SRGAP3: variants seen among roughly 807,000 people sequenced by gnomAD.
SRGAP3 encodes SLIT-ROBO Rho GTPase activating protein 3, also known as SLIT-ROBO Rho GTPase-activating protein 3.
SRGAP3 carries 39 observed loss-of-function variants against 121.1 expected under a neutral mutation model. The observed-to-expected ratio is 0.32, with a 90% CI of 0.25 to 0.42. The LOEUF (loss-of-function observed/expected upper bound fraction) is 0.42. SRGAP3 is among the 10% of genes least tolerant of loss of function. The pLI, the probability that SRGAP3 is intolerant of heterozygous loss-of-function variation, is 1.00. For missense variants in SRGAP3, 1,213 were observed against 1,470.6 expected, an observed-to-expected ratio of 0.82 and a Z score of 2.86; for synonymous variants, 601 against 570.0, an observed-to-expected ratio of 1.05 and a Z score of -0.77.
intron 1 of SRGAP3, among the ~76,000 whole-genome samples, chr3:9,160,098 G>A (rs1950557891): frequency 6.6e-6 from 1 of 152,214 alleles, no homozygotes; most frequent in Non-Finnish European, 1.5e-5. Flanking sequence ...GCTACCTGTG[G>A]CCTTGGGCAA....
At chr3:9,097,876 C>T (rs926414746) in intron 3 of SRGAP3, among the ~76,000 whole-genome samples, 27 of 152,156 alleles carry the variant, frequency 1.8e-4, no homozygotes, top group African/African-American at 5.8e-4. Context: ...TCCCAGCTCC[C>T]CAGCATCCTT....
intron 1 of SRGAP3, among the ~76,000 whole-genome samples, chr3:9,196,343 G>A (rs1467359286): frequency 2.6e-5 from 4 of 152,228 alleles, no homozygotes; most frequent in Non-Finnish European, 5.9e-5. Context: ...GGGCAGTATG[G>A]TGTGCTAGTT....
chr3:9,047,245 C>T, intron 10 of SRGAP3, 146 bp downstream of exon 10: 1 of 809,816 alleles, frequency 1.2e-6, no homozygotes, highest in South Asian at 1.5e-5. Flanking sequence ...GGTGATTTTC[C>T]CAGCCTGCCC....
At chr3:9,063,268 A>T (rs894048365) in intron 5 of SRGAP3, among the ~76,000 whole-genome samples, 6 of 151,156 alleles carry the variant, frequency 4.0e-5, no homozygotes, top group Admixed American at 2.0e-4. Context: ...GGCTGGGACT[A>T]CAGGCACATG....
At chr3:9,199,677 A>C (rs1952014938) in intron 1 of SRGAP3, among the ~76,000 whole-genome samples, 1 of 152,220 alleles carries the variant, frequency 6.6e-6, no homozygotes, top group Non-Finnish European at 1.5e-5. Flanking sequence ...AACTGCATTC[A>C]GTTTTTGGCT....
chr3:9,104,918 C>A, intron 2 of SRGAP3, 76 bp from the exon 3 acceptor site: 2 of 1,587,352 alleles, frequency 1.3e-6, no homozygotes, highest in Non-Finnish European at 1.7e-6. Context: ...TCACCCACTT[C>A]AGCTCTTTTA....
Position 9,109,850 on chromosome 3 carries a change from G to A in SRGAP3, c.261-5008C>T, listed in dbSNP as rs1948552818. Reference sequence around the variant, plus strand: ...AGAAATGTGATGAGCAAAGGCCCAGGGAGGAGCAGGAGAGGGAGGAGCAGG... The same window carrying A: ...AGAAATGTGATGAGCAAAGGCCCAGAGAGGAGCAGGAGAGGGAGGAGCAGG... On this transcript the variant is annotated intron_variant, in intron 2 of 21. Coordinates refer to ENST00000383836, the MANE Select transcript of SRGAP3 (RefSeq NM_014850.4). The surrounding 1 kb of genome is among the most constrained non-coding windows in gnomAD (Gnocchi z 4.4). 1.3e-5 allele frequency among the ~76,000 whole-genome samples: 2 copies of A among 152,230 alleles called. No homozygotes were observed. Among genetic ancestry groups the A allele is most frequent in the South Asian group, 4.1e-4 (2 of 4,824 alleles).
intron 3 of SRGAP3, among the ~76,000 whole-genome samples, chr3:9,310,699 G>C (rs1955226801): frequency 6.6e-6 from 1 of 152,186 alleles, no homozygotes; most frequent in South Asian, 2.1e-4. Flanking sequence ...GCTGACTGCT[G>C]AGAAGAAAGA....
intron 3 of SRGAP3, among the ~76,000 whole-genome samples, chr3:9,257,699 T>C (rs1040836056): frequency 2.8e-5 from 1 of 36,086 alleles, no homozygotes; most frequent in Non-Finnish European, 6.4e-5. Flanking sequence ...AAATAGCTCC[T>C]TTTTTTTTTT....
intron 1 of SRGAP3, among the ~76,000 whole-genome samples, chr3:9,331,465 C>A (rs760518209): frequency 6.6e-6 from 1 of 152,194 alleles, no homozygotes; most frequent in Non-Finnish European, 1.5e-5. Context: ...GCTGAGCTGG[C>A]TGGCTCAGAT....
Position 9,032,683 on chromosome 3 carries a change from T to C in SRGAP3, c.1506A>G (p.Lys502=), listed in dbSNP as rs1369481287. 6.2e-7 allele frequency: 1 copy of C among 1,612,688 alleles called. No individual in the cohort carries two copies. The highest frequency in any genetic ancestry group is 8.5e-7 in the Non-Finnish European group (1 of 1,179,592). ...RPRPLSVYSH[K]LFNGSMEAFI... ...ATGCTTCCATACTGCCGTTAAAGAGTTTATGGCTATACACTGAGAGAGGCC... is the reference window on the plus strand; with the variant it reads ...ATGCTTCCATACTGCCGTTAAAGAGCTTATGGCTATACACTGAGAGAGGCC... Residue 502 remains lysine (K), a synonymous_variant, in exon 12 of 22, where the codon AAA becomes AAG. Transcript: ENST00000383836.
intron 12 of SRGAP3, 86 bp downstream of exon 12, chr3:9,032,564 G>T: frequency 7.9e-7 from 1 of 1,260,276 alleles, no homozygotes. Context: ...CCAAGGACAG[G>T]GCTGTCTGCT....
intron 14 of SRGAP3, among the ~76,000 whole-genome samples, chr3:9,019,695 T>C (rs1419424082): frequency 7.2e-5 from 11 of 152,246 alleles, no homozygotes; most frequent in Admixed American, 7.2e-4. Flanking sequence ...AGCCCCAACA[T>C]GCTTCAGTAT....
intron 1 of SRGAP3, among the ~76,000 whole-genome samples, chr3:9,134,923 C>A (rs1949588613): frequency 6.6e-6 from 1 of 152,140 alleles, no homozygotes; most frequent in Non-Finnish European, 1.5e-5. Context: ...AGGTGGGCAA[C>A]CTGAGACTCA....
Position 9,050,195 on chromosome 3 carries a change from G to A in SRGAP3, c.1324-2720C>T, listed in dbSNP as rs1419843886. The stretch of plus-strand genomic sequence containing the variant: ...TGGTTCAAATGCACACTTCAGTTTG[G>A]TAACTACTGTCCTAGAGGCTCTCTA... On this transcript the variant is annotated intron_variant, in intron 9 of 21. Transcript: ENST00000383836. Among the ~76,000 whole-genome samples the A allele has an allele frequency of 2.0e-5, 3 of 152,268 alleles. No individual in the cohort carries two copies. In the East Asian group the frequency reaches 5.8e-4, roughly 29 times the overall value.
intron 1 of SRGAP3, among the ~76,000 whole-genome samples, chr3:9,237,870 G>T (rs1403246388): frequency 6.6e-6 from 1 of 152,224 alleles, no homozygotes; most frequent in Non-Finnish European, 1.5e-5. Flanking sequence ...TTTAAATGGT[G>T]TACAGATTAC....
chr3:9,126,099 G>C (rs949228280), intron 1 of SRGAP3, among the ~76,000 whole-genome samples: 1 of 152,046 alleles, frequency 6.6e-6, no homozygotes, highest in Non-Finnish European at 1.5e-5. Flanking sequence ...CACCCCACAG[G>C]GTATGCAAGC....
At chr3:9,164,160 G>A (rs2125083474) in intron 1 of SRGAP3, among the ~76,000 whole-genome samples, 1 of 151,454 alleles carries the variant, frequency 6.6e-6, no homozygotes, top group South Asian at 2.1e-4. Flanking sequence ...ACCACGCCTG[G>A]CTAATTCTGT....
upstream of SRGAP3, among the ~76,000 whole-genome samples, chr3:9,250,919 A>G (rs1574941927): frequency 1.3e-5 from 2 of 152,334 alleles, no homozygotes; most frequent in Non-Finnish European, 2.9e-5. Context: ...GGAATTTCAT[A>G]TGCTAAGATT....
Sources: allele counts gnomAD v4.1 joint callset (sites outside exome capture counted in the v4.1 genomes callset), GRCh38; gene constraint gnomAD v4.1.1; non-coding constraint Gnocchi (gnomAD v3.1); transcripts MANE v1.5; gene names NCBI Gene and HGNC (gene_info 2026-07-23, HGNC 2026-07-21).